DAB1: variants seen among roughly 807,000 people sequenced by gnomAD.
DAB1 encodes DAB adaptor protein 1.
In DAB1, 15 loss-of-function variants were observed where a neutral mutation model predicts 64.6. The ratio of observed to expected loss-of-function variants is 0.23; its 90% CI spans 0.16 to 0.36. The LOEUF (loss-of-function observed/expected upper bound fraction) is 0.36. Ranked by LOEUF, DAB1 falls within the 10% of genes least tolerant of loss-of-function variation. DAB1 has a pLI of 1.00. For missense variants in DAB1, 596 were observed against 706.7 expected (o/e 0.84, Z 1.78); for synonymous variants, 235 against 251.9 (o/e 0.93, Z 0.64).
intron 1 of DAB1, among the ~76,000 whole-genome samples, chr1:57,392,975 C>T (rs1336192995): frequency 6.6e-6 from 1 of 152,166 alleles, no homozygotes; most frequent in Non-Finnish European, 1.5e-5. Context: ...GCCAGTCGGC[C>T]CCGGCTCCAC....
At chr1:57,953,056 T>C (rs1035436948) in intron 5 of DAB1, among the ~76,000 whole-genome samples, 1 of 152,142 alleles carries the variant, frequency 6.6e-6, no homozygotes, top group East Asian at 1.9e-4. Flanking sequence ...TCCCATGGAG[T>C]CTCATCTTAT....
intron 4 of DAB1, among the ~76,000 whole-genome samples, chr1:58,314,762 T>C (rs1166131592): frequency 6.6e-6 from 1 of 152,208 alleles, no homozygotes. Flanking sequence ...CAGAGATTTT[T>C]TGTCTGTTTT....
chr1:57,130,664 C>T (rs1253834986), intron 4 of DAB1, among the ~76,000 whole-genome samples: 1 of 126,054 alleles, frequency 7.9e-6, no homozygotes, highest in Admixed American at 9.4e-5. Flanking sequence ...AACAGAAAGA[C>T]AAATATCACA....
At chr1:57,436,288 A>G (rs1685693442) in intron 7 of DAB1, among the ~76,000 whole-genome samples, 1 of 152,184 alleles carries the variant, frequency 6.6e-6, no homozygotes, top group Non-Finnish European at 1.5e-5. Flanking sequence ...CAGACATGTG[A>G]GTATGCATTG....
chr1:58,324,187 T>C (rs1662767287), intron 4 of DAB1, among the ~76,000 whole-genome samples: 1 of 152,068 alleles, frequency 6.6e-6, no homozygotes, highest in South Asian at 2.1e-4. Flanking sequence ...TATCATCTAA[T>C]TGTATTATAA....
intron 7 of DAB1, among the ~76,000 whole-genome samples, chr1:57,498,731 G>C (rs1269336392): frequency 6.6e-6 from 1 of 152,218 alleles, no homozygotes; most frequent in East Asian, 1.9e-4. Context: ...ATGCAGTTAG[G>C]AGAGACAAAG....
chr1:57,579,521 T>A (rs1356331395), intron 7 of DAB1, among the ~76,000 whole-genome samples: 2 of 152,228 alleles, frequency 1.3e-5, no homozygotes, highest in Non-Finnish European at 2.9e-5. Flanking sequence ...TTAACATGAC[T>A]ATTTTTATTC....
chr1:57,214,995 A>C (rs1205389072), intron 2 of DAB1, among the ~76,000 whole-genome samples: 2 of 152,094 alleles, frequency 1.3e-5, no homozygotes, highest in African/African-American at 4.8e-5. Flanking sequence ...TGAAGGATTC[A>C]TTAAATTTGA....
chr1:57,052,338 A>G (rs1444915621), intron 9 of DAB1, among the ~76,000 whole-genome samples: 1 of 152,190 alleles, frequency 6.6e-6, no homozygotes, highest in Admixed American at 6.5e-5. Context: ...CAGAATTTTT[A>G]TCATTTTCTC....
At chr1:57,224,002 C>T (rs1667077399) in intron 2 of DAB1, among the ~76,000 whole-genome samples, 1 of 152,182 alleles carries the variant, frequency 6.6e-6, no homozygotes, top group Non-Finnish European at 1.5e-5. Context: ...GGTACTCCCC[C>T]TCCGATTCCT....
intron 3 of DAB1, among the ~76,000 whole-genome samples, chr1:58,457,177 A>G (rs958927366): frequency 6.6e-6 from 1 of 152,198 alleles, no homozygotes; most frequent in African/African-American, 2.4e-5. Context: ...CACTCATACC[A>G]GTCATGTCAG....
At chr1:57,067,013 T>TAA (rs35026009) in intron 8 of DAB1, among the ~76,000 whole-genome samples, 17 of 150,008 alleles carry the variant, frequency 1.1e-4, no homozygotes, top group East Asian at 2.0e-4. Context: ...TACAAGCCCT[T>TAA]AAAAAAAAAA....
chr1:58,364,431 C>G (rs1644196597), intron 3 of DAB1, among the ~76,000 whole-genome samples: 1 of 152,190 alleles, frequency 6.6e-6, no homozygotes. Flanking sequence ...CAGCTAATAA[C>G]AGAGAAATGT....
chr1:57,748,888 T>G (rs987791845), intron 6 of DAB1, among the ~76,000 whole-genome samples: 2 of 152,160 alleles, frequency 1.3e-5, no homozygotes, highest in Admixed American at 1.3e-4. Flanking sequence ...ATTCAAGCCA[T>G]GCGTACGATG....
intron 2 of DAB1, among the ~76,000 whole-genome samples, chr1:57,169,693 T>A (rs1661547056): frequency 6.6e-6 from 1 of 152,122 alleles, no homozygotes; most frequent in Non-Finnish European, 1.5e-5. Flanking sequence ...CTAATCAGGC[T>A]CCTTATCCTC....
chr1:58,149,112 T>C (rs987955749), intron 5 of DAB1, among the ~76,000 whole-genome samples: 2 of 152,202 alleles, frequency 1.3e-5, no homozygotes, highest in Non-Finnish European at 2.9e-5. Context: ...ACTATCTCTT[T>C]TATTTTCTTC....
At chr1:57,811,218 CCCCA>C (rs1354507297) in intron 6 of DAB1, among the ~76,000 whole-genome samples, 1 of 152,154 alleles carries the variant, frequency 6.6e-6, no homozygotes, top group Non-Finnish European at 1.5e-5. Context: ...GAATCTGTGT[CCCCA>C]CCCAAATCTC....
chr1:58,443,767 A>T (rs111985529), intron 3 of DAB1, among the ~76,000 whole-genome samples: 7 of 152,372 alleles, frequency 4.6e-5, no homozygotes, highest in African/African-American at 1.7e-4. Flanking sequence ...TGTATAAATA[A>T]ATAAGCAATC....
intron 7 of DAB1, among the ~76,000 whole-genome samples, chr1:57,521,121 C>T (rs186100132): frequency 2.6e-5 from 4 of 152,280 alleles, no homozygotes; most frequent in Admixed American, 6.5e-5. Context: ...AGACTACCCC[C>T]AACAATGTCT....
Sources: allele counts gnomAD v4.1 joint callset (sites outside exome capture counted in the v4.1 genomes callset), GRCh38; gene constraint gnomAD v4.1.1; transcripts MANE v1.5; gene names NCBI Gene and HGNC (gene_info 2026-07-23, HGNC 2026-07-21).